Variants in MICAL2 observed in about 807,000 individuals in gnomAD.
MICAL2 encodes the protein microtubule associated monooxygenase, calponin and LIM domain containing 2, also known as [F-actin]-monooxygenase MICAL2.
MICAL2 carries 77 observed loss-of-function variants against 127.3 expected under a neutral mutation model. The ratio of observed to expected loss-of-function variants is 0.60; its 90% CI spans 0.50 to 0.73. The LOEUF is 0.73. MICAL2 is among the 30% of genes least tolerant of loss of function. The pLI is 0.00. For synonymous variants in MICAL2, 570 were observed against 551.1 expected, an observed-to-expected ratio of 1.03 and a Z score of -0.48; for missense variants, 1,351 against 1,434.4, an observed-to-expected ratio of 0.94 and a Z score of 0.94.
chr11:12,254,190 G>T (rs546100914), intron 22 of MICAL2: 2 of 152,174 alleles, frequency 1.3e-5, no homozygotes, highest in Non-Finnish European at 2.9e-5. Context: ...ATGTATTTCC[G>T]ACCATATCAC....
chr11:12,288,653 C>G (rs145924588), downstream of MICAL2, among the ~76,000 whole-genome samples: 524 of 152,282 alleles, frequency 3.4e-3, 7 homozygotes, highest in African/African-American at 0.012. Context: ...TGGTCTGGCC[C>G]GGAGGAGGAA....
At chr11:12,224,102 C>T (rs983306505) in intron 12 of MICAL2, among the ~76,000 whole-genome samples, 18 of 152,222 alleles carry the variant, frequency 1.2e-4, no homozygotes, top group Non-Finnish European at 2.6e-4. Flanking sequence ...CTGTAATAAA[C>T]CACTTACCAT....
In MICAL2 at chr11:12,218,951, C is replaced by T. The variant is rs139586196; in HGVS notation, c.949-1250C>T. ...ACAGGGGACAGGAATTCCCATTCAT[C>T]GGTCACTTCCCACATGGGGCTAGGG... On this transcript the variant is annotated intron_variant, in intron 8 of 27. Coordinates refer to ENST00000683283, the MANE Select transcript of MICAL2 (RefSeq NM_001282663.2). Among the ~76,000 whole-genome samples the T allele has an allele frequency of 1.9e-3, 284 of 152,320 alleles. 2 individuals carry two copies. Among genetic ancestry groups the T allele is most frequent in the Non-Finnish European group, 3.0e-3 (202 of 68,018 alleles).
chr11:12,122,070 C>G (rs1850549029), intron 1 of MICAL2, among the ~76,000 whole-genome samples: 1 of 152,182 alleles, frequency 6.6e-6, no homozygotes, highest in African/African-American at 2.4e-5. Flanking sequence ...TTGGAGTACT[C>G]TCAATTTGAA....
chr11:12,322,169 T>G (rs1047204925), intron 30 of MICAL2, among the ~76,000 whole-genome samples: 1 of 152,150 alleles, frequency 6.6e-6, no homozygotes, highest in Non-Finnish European at 1.5e-5. Context: ...CATATAGCAT[T>G]TGGTAAATGA....
At chr11:12,274,319 C>T (rs534116811), upstream of MICAL2, 6 of 152,342 alleles carry the variant, frequency 3.9e-5, no homozygotes, top group African/African-American at 1.4e-4. Flanking sequence ...CAGACACTCA[C>T]TGAACGCCTA....
downstream of MICAL2, chr11:12,293,835 G>C: frequency 1.2e-6 from 2 of 1,606,002 alleles, no homozygotes; most frequent in Non-Finnish European, 1.7e-6. Context: ...CACCCCATCT[G>C]GGGGAAGGAC....
At chr11:12,288,095 T>G (rs1051577112), downstream of MICAL2, among the ~76,000 whole-genome samples, 22 of 152,218 alleles carry the variant, frequency 1.4e-4, no homozygotes, top group African/African-American at 5.3e-4. Flanking sequence ...TCACACCAGG[T>G]CAGGCTGGGA....
chr11:12,222,876 G>A (rs1429469589), intron 11 of MICAL2, 133 bp downstream of exon 11: 6 of 1,164,242 alleles, frequency 5.2e-6, no homozygotes, highest in Non-Finnish European at 7.2e-6. Context: ...GCCTAATGGT[G>A]GGACCAGTTC....
chr11:12,205,356 T>C (rs1854545551), intron 4 of MICAL2, among the ~76,000 whole-genome samples: 3 of 152,178 alleles, frequency 2.0e-5, no homozygotes, highest in Non-Finnish European at 4.4e-5. Context: ...ACTGCAAGGG[T>C]CCACTTATAC....
At chr11:12,286,447 A>G (rs765412153) in intron 2 of MICAL2, among the ~76,000 whole-genome samples, 24 of 152,236 alleles carry the variant, frequency 1.6e-4, no homozygotes, top group Non-Finnish European at 2.9e-4. Context: ...GTACACATGC[A>G]TGTATAAATA....
downstream of MICAL2, chr11:12,294,049 T>G (rs748280613): frequency 6.8e-6 from 11 of 1,613,996 alleles, no homozygotes; most frequent in South Asian, 1.2e-4. Flanking sequence ...ACCTCAAAGC[T>G]GGGGAGCGAA....
intron 15 of MICAL2, among the ~76,000 whole-genome samples, chr11:12,229,460 C>T (rs989825686): frequency 6.6e-6 from 1 of 152,208 alleles, no homozygotes; most frequent in African/African-American, 2.4e-5. Flanking sequence ...TACCTCCAGC[C>T]CAAGGACCCC....
chr11:12,275,524 T>G (rs946876589), upstream of MICAL2, among the ~76,000 whole-genome samples: 3 of 152,146 alleles, frequency 2.0e-5, no homozygotes, highest in Non-Finnish European at 2.9e-5. Context: ...AAGAAGGGGC[T>G]GGGGATTGGG....
At chr11:12,248,139 A>G (rs1248041920) in intron 21 of MICAL2, among the ~76,000 whole-genome samples, 3 of 152,188 alleles carry the variant, frequency 2.0e-5, no homozygotes, top group Non-Finnish European at 1.5e-5. Context: ...ACAGGGAGCC[A>G]GGGCTCTGCC....
intron 15 of MICAL2, among the ~76,000 whole-genome samples, chr11:12,230,951 G>A (rs1858175012): frequency 6.6e-6 from 1 of 152,218 alleles, no homozygotes; most frequent in Non-Finnish European, 1.5e-5. Flanking sequence ...CCCTTGGTCT[G>A]CTTCTGCAGA....
intron 32 of MICAL2, among the ~76,000 whole-genome samples, chr11:12,346,489 A>G (rs909300919): frequency 3.3e-5 from 5 of 152,226 alleles, no homozygotes; most frequent in African/African-American, 9.7e-5. Flanking sequence ...TCTATGTTCT[A>G]TATGATCTCT....
At chr11:12,119,096 C>T (rs1480528221) in intron 1 of MICAL2, among the ~76,000 whole-genome samples, 1 of 152,188 alleles carries the variant, frequency 6.6e-6, no homozygotes. Flanking sequence ...TGGATACCAC[C>T]TCCTCCTCTG....
At chr11:12,140,121 A>C (rs1852203506) in intron 2 of MICAL2, among the ~76,000 whole-genome samples, 1 of 152,238 alleles carries the variant, frequency 6.6e-6, no homozygotes, top group East Asian at 1.9e-4. Context: ...GATGCTTGCC[A>C]AATAGGTACC....
Sources: allele counts gnomAD v4.1 joint callset (sites outside exome capture counted in the v4.1 genomes callset), GRCh38; gene constraint gnomAD v4.1.1; transcripts MANE v1.5; gene names NCBI Gene and HGNC (gene_info 2026-07-23, HGNC 2026-07-21).